Variants in TAF13 observed in about 807,000 individuals in gnomAD.
TAF13 encodes TATA-box binding protein associated factor 13.
In TAF13, 9 loss-of-function variants were observed where a neutral mutation model predicts 18.7. That is an observed-to-expected ratio of 0.48 (90% CI 0.29 to 0.84). The LOEUF is 0.84. Among genes scored for constraint, TAF13 ranks in the 40% least tolerant of loss-of-function variants. The probability of loss-of-function intolerance (pLI) is 0.08; values close to 1 mark genes in which losing one functional copy is unlikely to be tolerated. For missense variants in TAF13, 105 were observed against 146.5 expected (o/e 0.72, Z 1.46); for synonymous variants, 49 against 44.1 (o/e 1.11, Z -0.44).
At position 109,073,646 on chromosome 1, in the gene TAF13, C is replaced by T. The variant is rs1254792730; in HGVS notation, c.106+1341G>A. ...CCTCCCGAGGTGCCGGGATTCCAGA[C>T]GGAGTCTCGCTCACTCAGTGCTCAA... On this transcript the variant is annotated intron_variant, in intron 2 of 3. Transcript: ENST00000338366. 7.2e-5 allele frequency among the ~76,000 whole-genome samples: 11 copies of T among 152,328 alleles called. 1 individual carries two copies. In the South Asian group the frequency reaches 1.7e-3, roughly 23 times the overall value.
chr1:109,074,926 G>A, intron 2 of TAF13, 61 bp downstream of exon 2: 1 of 1,252,482 alleles, frequency 8.0e-7, no homozygotes, highest in Non-Finnish European at 1.1e-6. Flanking sequence ...AAGCTACTTT[G>A]AAAGGACATG....
intron 2 of TAF13, among the ~76,000 whole-genome samples, chr1:109,069,976 G>T (rs1025603540): frequency 6.6e-6 from 1 of 152,068 alleles, no homozygotes; most frequent in Non-Finnish European, 1.5e-5. Flanking sequence ...ATAGTACAGG[G>T]TTCCCATATG....
chr1:109,072,329 AT>A (rs1199159876), intron 2 of TAF13, among the ~76,000 whole-genome samples: 1 of 151,776 alleles, frequency 6.6e-6, no homozygotes, highest in African/African-American at 2.4e-5. Flanking sequence ...GGCCTGGATC[AT>A]CAGTATTAGT....
At chr1:109,073,981 G>A (rs533781587) in intron 2 of TAF13, among the ~76,000 whole-genome samples, 1 of 150,736 alleles carries the variant, frequency 6.6e-6, no homozygotes, top group South Asian at 2.1e-4. Flanking sequence ...GCCCGGCCAC[G>A]ACCCCGTCTG....
At chr1:109,070,857 A>G (rs1390457386) in intron 2 of TAF13, among the ~76,000 whole-genome samples, 2 of 152,228 alleles carry the variant, frequency 1.3e-5, no homozygotes, top group South Asian at 2.1e-4. Flanking sequence ...ACTGAACATC[A>G]CTCTGGGATG....
chr1:109,067,612 AAATAAT>A lies in TAF13; in HGVS notation c.107-1386_107-1381del, dbSNP rs561454174. On this transcript the variant is annotated intron_variant, in intron 2 of 3. Transcript: ENST00000338366. ...GTGACAGAGGGAGGCTGTGTCTCAA[AAATAAT>A]AATAATAATAAGAGAGACTGTGTCT... is the stretch of plus-strand genomic sequence containing the variant. Among the ~76,000 whole-genome samples, 205 of 152,118 alleles carry A rather than the reference AAATAAT, an allele frequency of 1.3e-3. 1 individual carries two copies. The Middle Eastern group carries it at 0.014, about 10-fold the overall frequency.
At chr1:109,071,967 TATATATATACACAC>T (rs1557985886) in intron 2 of TAF13, among the ~76,000 whole-genome samples, 141 of 4,508 alleles carry the variant, frequency 0.031, 10 homozygotes, top group Non-Finnish European at 0.078. Context: ...AATATATATA[TATATATATACACAC>T]ATATATATAT....
Position 109,074,385 on chromosome 1 carries a change from G to A in TAF13, c.106+602C>T, listed in dbSNP as rs143370201. On this transcript the variant is annotated intron_variant, in intron 2 of 3. Transcript: ENST00000338366. ...ACAGATGCTTGAAGGCAGCATGCTC[G>A]TTAAGAGTCATCACCACTCCCTAAT... is the stretch of plus-strand genomic sequence containing the variant. 3.3e-5 allele frequency among the ~76,000 whole-genome samples: 5 copies of A among 152,142 alleles called. No individual in the cohort carries two copies. The East Asian group carries it at 5.8e-4, about 18-fold the overall frequency.
intron 2 of TAF13, among the ~76,000 whole-genome samples, chr1:109,069,828 A>G (rs1483384944): frequency 6.6e-6 from 1 of 152,166 alleles, no homozygotes; most frequent in East Asian, 1.9e-4. Context: ...TACACTGGCA[A>G]GAGTCTTTAG....
intron 2 of TAF13, among the ~76,000 whole-genome samples, chr1:109,069,643 TAAA>T (rs953317859): frequency 6.6e-6 from 1 of 151,728 alleles, no homozygotes; most frequent in African/African-American, 2.4e-5. Context: ...TTTTTTTTTT[TAAA>T]AAAGATACTC....
intron 3 of TAF13, 83 bp downstream of exon 3, chr1:109,066,052 G>T: frequency 8.9e-7 from 1 of 1,118,318 alleles, no homozygotes; most frequent in Non-Finnish European, 1.3e-6. Context: ...TCAAAGGGAT[G>T]CCATAAGTTC....
chr1:109,073,357 G>C lies in TAF13; in HGVS notation c.106+1630C>G, dbSNP rs1431010467. Among the ~76,000 whole-genome samples, 8 of 151,924 alleles carry C rather than the reference G, an allele frequency of 5.3e-5. No individual in the cohort carries two copies. In the East Asian group the frequency reaches 1.6e-3, roughly 30 times the overall value. ...GATCGAGATCATCCTGGCTAACACA[G>C]TGAAACCCCGTCTCTACAAAAAATA... On this transcript the variant is annotated intron_variant, in intron 2 of 3. Transcript: ENST00000338366.
intron 2 of TAF13, among the ~76,000 whole-genome samples, chr1:109,072,083 C>CATAT (rs1198567507): frequency 5.9e-4 from 3 of 5,078 alleles, no homozygotes; most frequent in African/African-American, 1.9e-3. Context: ...TATACACACA[C>CATAT]ATATATATAT....
At position 109,064,621 on chromosome 1, in the gene TAF13, C is replaced by T; in HGVS notation, c.277G>A (p.Asp93Asn). 6.3e-7 allele frequency: 1 copy of T among 1,581,182 alleles called. No homozygotes were observed. Among genetic ancestry groups the T allele is most frequent in the Non-Finnish European group, 8.6e-7 (1 of 1,164,160 alleles). ...VEDIVFLIRK[D>N]PRKFARVKDL... ...TTAACCCTGGCAAACTTCCTTGGGT[C>T]CTTTCGAATCAAGAAGACGATATCT... Residue 93 changes from aspartate to asparagine, a missense_variant, in exon 4 of 4, where the codon GAC becomes AAC. By Grantham distance (23) the Asp-to-Asn change is conservative. Coordinates refer to ENST00000338366, the MANE Select transcript of TAF13 (RefSeq NM_005645.4).
At chr1:109,072,688 G>A (rs1011382599) in intron 2 of TAF13, among the ~76,000 whole-genome samples, 5 of 151,608 alleles carry the variant, frequency 3.3e-5, no homozygotes, top group Non-Finnish European at 4.4e-5. Context: ...CAAGCAGTCC[G>A]CCTGCCTTGA....
intron 2 of TAF13, among the ~76,000 whole-genome samples, chr1:109,070,134 T>C (rs913603444): frequency 5.9e-5 from 9 of 152,212 alleles, no homozygotes; most frequent in African/African-American, 2.2e-4. Context: ...CAGGTTCCCA[T>C]ACTATTTAGT....
chr1:109,068,284 G>A (rs143937550), intron 2 of TAF13, among the ~76,000 whole-genome samples: 9 of 152,248 alleles, frequency 5.9e-5, no homozygotes, highest in African/African-American at 1.4e-4. Context: ...ACAGCCATGC[G>A]CTACCACACC....
At chr1:109,074,920 T>A in intron 2 of TAF13, 67 bp downstream of exon 2, 1 of 1,168,564 alleles carries the variant, frequency 8.6e-7, no homozygotes, top group Non-Finnish European at 1.2e-6. Context: ...GCAATAAAGC[T>A]ACTTTGAAAG....
At chr1:109,069,121 G>A (rs1664005799) in intron 2 of TAF13, among the ~76,000 whole-genome samples, 1 of 152,076 alleles carries the variant, frequency 6.6e-6, no homozygotes, top group African/African-American at 2.4e-5. Context: ...TTATCAAAGG[G>A]GTATATGTAA....
Sources: gnomAD v4.1 joint callset for allele counts (sites outside exome capture counted in the v4.1 genomes callset) on GRCh38, gnomAD v4.1.1 for gene constraint, MANE v1.5 for transcripts, NCBI Gene and HGNC (gene_info 2026-07-23, HGNC 2026-07-21) for gene names.